CACNA1C: variants seen among roughly 807,000 people sequenced by gnomAD.
CACNA1C encodes the protein voltage-dependent L-type calcium channel subunit alpha-1C.
In CACNA1C, 30 loss-of-function variants were observed where a neutral mutation model predicts 229.0. The observed-to-expected ratio is 0.13, with a 90% CI of 0.10 to 0.18. CACNA1C has a LOEUF of 0.18. CACNA1C is among the 10% of genes least tolerant of loss of function. The pLI is 1.00. For synonymous variants in CACNA1C, 1,114 were observed against 1,132.5 expected (o/e 0.98, Z 0.33); for missense variants, 1,658 against 2,845.0 (o/e 0.58, Z 9.49).
rs140736861 is a variant in CACNA1C, at chr12:2,365,066, C to G, written c.478-83910C>G. 2.0e-3 allele frequency among the ~76,000 whole-genome samples: 305 copies of G among 152,330 alleles called. 2 individuals carry two copies. The highest frequency in any genetic ancestry group is 7.1e-3 in the African/African-American group (296 of 41,582). The stretch of plus-strand genomic sequence containing the variant: ...TGACCCAATGCATTTACAAAGCATT[C>G]CAGTCTTTCTTGTCCAGCTTTATCC... On this transcript the variant is annotated intron_variant, in intron 3 of 46. Coordinates refer to ENST00000399655, the MANE Select transcript of CACNA1C (RefSeq NM_000719.7).
chr12:2,617,458 A>G (rs1204942190), intron 29 of CACNA1C, among the ~76,000 whole-genome samples: 1 of 152,212 alleles, frequency 6.6e-6, no homozygotes, highest in East Asian at 1.9e-4. Context: ...CCCACTCTGC[A>G]TCGTGAAGGC....
chr12:2,298,491 A>G lies in CACNA1C; in HGVS notation c.478-150485A>G, dbSNP rs561118946. Among the ~76,000 whole-genome samples the G allele has an allele frequency of 7.4e-4, 113 of 152,060 alleles. 1 individual carries two copies. The highest frequency in any genetic ancestry group is 2.7e-3 in the African/African-American group (112 of 41,462). On this transcript the variant is annotated intron_variant, in intron 3 of 46. Transcript: ENST00000399655. Reference sequence around the variant, plus strand: ...TTTTTGTATTTTTAGTAGAGACAGGATTTTACCATGTTGGCCAAGATGGTC... The same window carrying G: ...TTTTTGTATTTTTAGTAGAGACAGGGTTTTACCATGTTGGCCAAGATGGTC...
At chr12:2,230,954 G>A (rs376856465) in intron 3 of CACNA1C, among the ~76,000 whole-genome samples, 35 of 152,274 alleles carry the variant, frequency 2.3e-4, no homozygotes, top group African/African-American at 8.4e-4. Flanking sequence ...TTATCCAAAC[G>A]CATGCTTCTG....
At chr12:2,186,770 G>A (rs185075388) in intron 3 of CACNA1C, among the ~76,000 whole-genome samples, 9 of 152,294 alleles carry the variant, frequency 5.9e-5, no homozygotes, top group African/African-American at 1.9e-4. Flanking sequence ...TCGACAATCC[G>A]ATGGGGAAGC....
intron 3 of CACNA1C, among the ~76,000 whole-genome samples, chr12:2,123,606 A>T (rs892530563): frequency 1.3e-5 from 2 of 152,144 alleles, no homozygotes. Flanking sequence ...CCCCCTGAAG[A>T]AAACGAAACA....
At chr12:2,100,477 AAAC>A (rs2075884874) in intron 1 of CACNA1C, among the ~76,000 whole-genome samples, 1 of 69,360 alleles carries the variant, frequency 1.4e-5, no homozygotes, top group Non-Finnish European at 3.8e-5. Flanking sequence ...AAAAAAAAAA[AAAC>A]AAAAAAAAAA....
rs1008946929 is a variant in CACNA1C at position 2,651,590 on chromosome 12, AC to A, written c.3946-44del. ...TTCTCGGAGGGGCCCTCCTGTTCTC[AC>A]CCCCCTCTTGCTGTGCTAACTGCAC... On this transcript the variant is annotated intron_variant, in intron 31 of 46. Coordinates refer to ENST00000399655, the MANE Select transcript of CACNA1C (RefSeq NM_000719.7). This position sits in a 1 kb window ranked among gnomAD's most constrained non-coding sequence, Gnocchi z 5.4. 1 of 1,609,114 alleles carries A rather than the reference AC, an allele frequency of 6.2e-7. No individual in the cohort carries two copies.
chr12:2,661,167 C>T (rs991894535), intron 34 of CACNA1C, among the ~76,000 whole-genome samples: 1 of 151,816 alleles, frequency 6.6e-6, no homozygotes, highest in Non-Finnish European at 1.5e-5. Context: ...GAAGCTGTAG[C>T]GGGAGGATCA....
intron 1 of CACNA1C, among the ~76,000 whole-genome samples, chr12:2,088,546 T>A (rs910717427): frequency 2.0e-5 from 3 of 152,188 alleles, no homozygotes; most frequent in African/African-American, 7.2e-5. Flanking sequence ...ATTAAATAAA[T>A]CAATGTATGT....
rs765876438 is a variant in CACNA1C at position 2,677,060 on chromosome 12, C to G, written c.4829-34C>G. On this transcript the variant is annotated intron_variant, in intron 39 of 46. Transcript: ENST00000399655. The surrounding 1 kb of genome is among the most constrained non-coding windows in gnomAD (Gnocchi z 7.4). ...AGTTCAACTGAATTCCCCTGCTCCC[C>G]TCTTACCCCCTCTCCCCTCTCCATA... 6.3e-7 allele frequency: 1 copy of G among 1,598,672 alleles called. No individual in the cohort carries two copies. Among genetic ancestry groups the G allele is most frequent in the Non-Finnish European group, 8.6e-7 (1 of 1,168,382 alleles).
chr12:2,322,895 A>T (rs570145779), intron 3 of CACNA1C, among the ~76,000 whole-genome samples: 34 of 152,284 alleles, frequency 2.2e-4, no homozygotes, highest in African/African-American at 8.2e-4. Flanking sequence ...CACAAACGTG[A>T]GTGGTTGGGT....
At chr12:2,109,008 A>G (rs1565742830) in intron 1 of CACNA1C, among the ~76,000 whole-genome samples, 1 of 152,220 alleles carries the variant, frequency 6.6e-6, no homozygotes, top group South Asian at 2.1e-4. Context: ...GAGATTGCTC[A>G]GTGGTCAGGA....
intron 3 of CACNA1C, among the ~76,000 whole-genome samples, chr12:2,184,401 G>A (rs2096935031): frequency 6.6e-6 from 1 of 152,198 alleles, no homozygotes; most frequent in Admixed American, 6.5e-5. Context: ...GCTTCTGGTT[G>A]CTGTAGATGA....
intron 1 of CACNA1C, among the ~76,000 whole-genome samples, chr12:2,062,259 G>A (rs1414434568): frequency 6.6e-6 from 1 of 152,192 alleles, no homozygotes; most frequent in Admixed American, 6.5e-5. Context: ...GTTAGACAAT[G>A]TTCTTGGTGC....
intron 3 of CACNA1C, among the ~76,000 whole-genome samples, chr12:2,428,600 G>A (rs1444260391): frequency 6.6e-6 from 1 of 152,194 alleles, no homozygotes; most frequent in Admixed American, 6.5e-5. Flanking sequence ...AACACAGTAG[G>A]AGCCCCAGAC....
intron 1 of CACNA1C, among the ~76,000 whole-genome samples, chr12:2,075,394 C>T (rs2283275): frequency 0.77 from 116,825 of 152,060 alleles, 45,368 homozygotes; most frequent in African/African-American, 0.85. Context: ...ACATTTTACA[C>T]TTTAGAGAAA....
chr12:2,067,093 A>G lies in CACNA1C; in HGVS notation c.49+13482A>G, dbSNP rs1329643721. The stretch of plus-strand genomic sequence containing the variant: ...ATTCCTAGAGAAAGCTTCCCCAGAA[A>G]TGAATTTGGCAAAGTGAGACAGCTG... On this transcript the variant is annotated intron_variant, in intron 1 of 46. Transcript: ENST00000399655. This position sits in a 1 kb window ranked among gnomAD's most constrained non-coding sequence, Gnocchi z 5.3. Among the ~76,000 whole-genome samples the G allele has an allele frequency of 1.3e-5, 2 of 152,174 alleles. No homozygotes were observed. Among genetic ancestry groups the G allele is most frequent in the African/African-American group, 2.4e-5 (1 of 41,452 alleles).
intron 3 of CACNA1C, among the ~76,000 whole-genome samples, chr12:2,432,418 TC>T (rs1447393260): frequency 2.0e-5 from 3 of 152,184 alleles, no homozygotes; most frequent in South Asian, 2.1e-4. Context: ...GAGATGACCA[TC>T]CTGATCATCA....
At chr12:2,274,984 C>T (rs74992059) in intron 3 of CACNA1C, among the ~76,000 whole-genome samples, 6,742 of 152,296 alleles carry the variant, frequency 0.044, 183 homozygotes, top group Middle Eastern at 0.065. Flanking sequence ...CCTGCACAAA[C>T]CTTCAGGCAC....
Sources: gnomAD v4.1 joint callset for allele counts (sites outside exome capture counted in the v4.1 genomes callset) on GRCh38, gnomAD v4.1.1 for gene constraint, Gnocchi (gnomAD v3.1) non-coding constraint, MANE v1.5 for transcripts, NCBI Gene and HGNC (gene_info 2026-07-23, HGNC 2026-07-21) for gene names.